Variants in FBXO10 observed in about 807,000 individuals in gnomAD.
FBXO10 encodes the protein F-box protein 10.
Under a neutral mutation model 80.7 loss-of-function variants are expected in FBXO10, and 39 were observed. That is an observed-to-expected ratio of 0.48 (90% CI 0.37 to 0.63). The LOEUF (loss-of-function observed/expected upper bound fraction) is 0.63, where lower values mean the gene tolerates loss of function less well. Ranked by LOEUF, FBXO10 falls within the 30% of genes least tolerant of loss-of-function variation. FBXO10 has a pLI of 0.00. For missense variants in FBXO10, 1,025 were observed against 1,269.0 expected, an observed-to-expected ratio of 0.81 and a Z score of 2.92; for synonymous variants, 449 against 489.6, an observed-to-expected ratio of 0.92 and a Z score of 1.09.
chr9:37,525,030 G>T, intron 6 of FBXO10, 72 bp downstream of exon 6: 1 of 1,319,574 alleles, frequency 7.6e-7, no homozygotes, highest in Non-Finnish European at 1.1e-6. Context: ...GCAGTGTGAG[G>T]TCCTGAAGCT....
intron 5 of FBXO10, among the ~76,000 whole-genome samples, chr9:37,526,826 TTTA>T (rs1821486616): frequency 4.5e-4 from 3 of 6,716 alleles, no homozygotes; most frequent in Non-Finnish European, 1.9e-3. Flanking sequence ...AAATATTTTA[TTTA>T]TTTATTTATT....
At chr9:37,559,323 T>C (rs1191825593) in intron 1 of FBXO10, among the ~76,000 whole-genome samples, 1 of 152,192 alleles carries the variant, frequency 6.6e-6, no homozygotes, top group Non-Finnish European at 1.5e-5. Flanking sequence ...CACACTTTGA[T>C]GCAGCATCCT....
chr9:37,560,305 C>A (rs753204891), intron 1 of FBXO10, among the ~76,000 whole-genome samples: 1 of 152,124 alleles, frequency 6.6e-6, no homozygotes, highest in Non-Finnish European at 1.5e-5. Context: ...AGCCACCTGA[C>A]GTAGAAACTA....
chr9:37,519,741 T>G (rs1411102548), intron 8 of FBXO10, among the ~76,000 whole-genome samples: 1 of 152,180 alleles, frequency 6.6e-6, no homozygotes, highest in African/African-American at 2.4e-5. Flanking sequence ...ATAAGTGGGT[T>G]GGGGCTGCTG....
intron 1 of FBXO10, among the ~76,000 whole-genome samples, chr9:37,543,807 T>C (rs1244897755): frequency 2.0e-5 from 3 of 152,132 alleles, no homozygotes; most frequent in Non-Finnish European, 4.4e-5. Flanking sequence ...AACTTCCAAG[T>C]CTGAAACCCA....
intron 1 of FBXO10, among the ~76,000 whole-genome samples, chr9:37,551,259 G>A (rs1822191453): frequency 1.3e-5 from 2 of 152,210 alleles, no homozygotes; most frequent in African/African-American, 4.8e-5. Context: ...CCACAGCATT[G>A]CTGGACATAG....
At position 37,522,484 on chromosome 9, in the gene FBXO10, G is replaced by A. The variant is rs1402551721; in HGVS notation, c.1930+341C>T. 2.8e-5 allele frequency: 30 copies of A among 1,053,696 alleles called. No homozygotes were observed. In the East Asian group the frequency reaches 1.1e-3, roughly 38 times the overall value. The allele number at this position is 1,053,696 out of a possible 1,614,324, so 65.3% of individuals were successfully genotyped here. ...ATCTTGTTTTCCCATTATATTTTCC[G>A]TTCTCTGGGATCAAAAGAAAGGATA... On this transcript the variant is annotated intron_variant, in intron 7 of 10. Transcript: ENST00000432825.
chr9:37,521,023 C>A (rs1821328411), intron 8 of FBXO10, among the ~76,000 whole-genome samples: 1 of 152,136 alleles, frequency 6.6e-6, no homozygotes, highest in Admixed American at 6.5e-5. Context: ...ATATTCACAA[C>A]AGGTTTTGAA....
At chr9:37,528,519 C>A (rs571677574) in intron 5 of FBXO10, among the ~76,000 whole-genome samples, 1 of 152,268 alleles carries the variant, frequency 6.6e-6, no homozygotes, top group East Asian at 1.9e-4. Context: ...CCAAGTCTTA[C>A]CCATATTCCA....
In FBXO10 at chr9:37,537,329, C is replaced by G. The variant is rs1821793921; in HGVS notation, c.1200G>C (p.Gln400His). ...AGTTCAGCACTAGGCAGCTGGGCAG[C>G]TGAATGGATGCTCCTGGTAGAGGTG... Reference protein sequence around the residue: ...LGPPLPGASIQLPSCLVLNSL... With the variant: ...LGPPLPGASIHLPSCLVLNSL... Residue 400 changes from glutamine to histidine, a missense_variant, in exon 3 of 11, where the codon CAG (glutamine) becomes CAC (histidine). By Grantham distance (24) the Gln-to-His change is conservative (BLOSUM62 0). Around this residue, in one of 3 missense-constraint regions of FBXO10, gnomAD observed 478 missense variants for 667.8 expected, o/e 0.72. Coordinates refer to ENST00000432825, the MANE Select transcript of FBXO10 (RefSeq NM_012166.3). The G allele has an allele frequency of 3.1e-6, 5 of 1,608,646 alleles. No homozygotes were observed. The East Asian group carries it at 1.1e-4, about 36-fold the overall frequency.
In FBXO10 at chr9:37,537,866, G is replaced by A. The variant is rs988249947; in HGVS notation, c.663C>T (p.Cys221=). 20 of 1,613,954 alleles carry A rather than the reference G, an allele frequency of 1.2e-5. No individual in the cohort carries two copies. In the African/African-American group the frequency reaches 2.5e-4, roughly 20 times the overall value. The change falls in exon 3 of 11, where the codon TGC becomes TGT. Residue 221 remains cysteine (C), a synonymous_variant. Transcript: ENST00000432825. ...GHIQVHGPGT[C]QVKFCTFKNT... ...TTTTGAAGGTACAGAACTTCACTTG[G>A]CAAGTACCCGGGCCATGGACCTGGA... is the stretch of plus-strand genomic sequence containing the variant.
Position 37,537,837 on chromosome 9 carries a change from G to A in FBXO10, c.692C>T (p.Thr231Ile). The change falls in exon 3 of 11, where the codon ACC becomes ATC. Residue 231 changes from threonine (T) to isoleucine (I), a missense_variant. Transcript: ENST00000432825. ...CQVKFCTFKN[T>I]HIFLHNVPLC... is the part of the protein sequence containing the mutation. Reference sequence around the variant, plus strand: ...GGGCACGTTGTGCAGGAAGATATGGGTGTTTTTGAAGGTACAGAACTTCAC... The same window carrying A: ...GGGCACGTTGTGCAGGAAGATATGGATGTTTTTGAAGGTACAGAACTTCAC... 6.2e-7 allele frequency: 1 copy of A among 1,613,988 alleles called. No homozygotes were observed. The highest frequency in any genetic ancestry group is 8.5e-7 in the Non-Finnish European group (1 of 1,179,900).
intron 7 of FBXO10, among the ~76,000 whole-genome samples, 157 bp downstream of exon 7, chr9:37,522,668 T>C (rs193296204): frequency 6.6e-6 from 1 of 152,288 alleles, no homozygotes; most frequent in East Asian, 1.9e-4. Context: ...AGAGGCTCTT[T>C]GTTCTGGGAG....
chr9:37,527,147 G>A (rs1376155810), intron 5 of FBXO10, among the ~76,000 whole-genome samples: 5 of 152,172 alleles, frequency 3.3e-5, no homozygotes, highest in Non-Finnish European at 5.9e-5. Context: ...CACCGCCCCG[G>A]CCCCTGCTCT....
intron 1 of FBXO10, among the ~76,000 whole-genome samples, chr9:37,549,039 C>G (rs1480105732): frequency 6.6e-6 from 1 of 152,124 alleles, no homozygotes; most frequent in Non-Finnish European, 1.5e-5. Context: ...TGAGCCACCG[C>G]ACCTGGGGAT....
chr9:37,539,085 A>G (rs1402187641), intron 2 of FBXO10, among the ~76,000 whole-genome samples: 1 of 152,222 alleles, frequency 6.6e-6, no homozygotes, highest in Non-Finnish European at 1.5e-5. Context: ...GATGTATTTG[A>G]ATCATCAAAT....
At chr9:37,563,186 T>C (rs1822524041) in intron 1 of FBXO10, among the ~76,000 whole-genome samples, 1 of 152,192 alleles carries the variant, frequency 6.6e-6, no homozygotes, top group African/African-American at 2.4e-5. Flanking sequence ...CGTGAAGAGG[T>C]GCCTTCTGCC....
chr9:37,538,664 C>T (rs1431306254), intron 2 of FBXO10, among the ~76,000 whole-genome samples: 3 of 149,052 alleles, frequency 2.0e-5, no homozygotes, highest in East Asian at 2.0e-4. Context: ...GCCGAGATTG[C>T]GCCAGTACAC....
At chr9:37,541,837 T>C in intron 1 of FBXO10, 63 bp from the exon 2 acceptor site, 1 of 1,369,618 alleles carries the variant, frequency 7.3e-7, no homozygotes, top group African/African-American at 1.5e-5. Flanking sequence ...CCCCCTTTTT[T>C]ATTTTTTTGA....
Sources: gnomAD v4.1 joint callset for allele counts (sites outside exome capture counted in the v4.1 genomes callset) on GRCh38, gnomAD v4.1.1 for gene constraint, gnomAD v4.1.1 regional missense constraint, MANE v1.5 for transcripts, NCBI Gene and HGNC (gene_info 2026-07-23, HGNC 2026-07-21) for gene names.